Variants in KIAA1217 observed in about 807,000 individuals in gnomAD.
The protein encoded by KIAA1217 is KIAA1217, also known as sickle tail protein homolog.
Under a neutral mutation model 163.9 loss-of-function variants are expected in KIAA1217, and 88 were observed. That is an observed-to-expected ratio of 0.54 (90% CI 0.45 to 0.64). The LOEUF (loss-of-function observed/expected upper bound fraction) is 0.64, where lower values mean the gene tolerates loss of function less well. KIAA1217 is among the 30% of genes least tolerant of loss of function. KIAA1217 has a pLI of 0.00. For synonymous variants in KIAA1217, 903 were observed against 923.1 expected (o/e 0.98, Z 0.39); for missense variants, 2,372 against 2,475.0 (o/e 0.96, Z 0.88).
intron 3 of KIAA1217, among the ~76,000 whole-genome samples, chr10:24,382,839 CTTTTCTTT>C (rs1245412910): frequency 3.6e-5 from 4 of 112,282 alleles, no homozygotes; most frequent in African/African-American, 9.3e-5. Flanking sequence ...TGTGGTTTTT[CTTTTCTTT>C]TTTTTTTTTT....
intron 2 of KIAA1217, among the ~76,000 whole-genome samples, chr10:24,359,078 CTTTCTTTT>C (rs1424770289): frequency 2.0e-4 from 16 of 81,400 alleles, no homozygotes; most frequent in Non-Finnish European, 4.6e-4. Context: ...TTCTTTCTTT[CTTTCTTTT>C]TTTTTTTTTT....
chr10:24,365,897 A>G (rs903004573), intron 2 of KIAA1217, among the ~76,000 whole-genome samples: 7 of 152,136 alleles, frequency 4.6e-5, no homozygotes, highest in African/African-American at 1.7e-4. Context: ...CATATATATA[A>G]TCTATACACA....
intron 3 of KIAA1217, among the ~76,000 whole-genome samples, chr10:24,411,118 A>C (rs1462695242): frequency 6.6e-6 from 1 of 152,186 alleles, no homozygotes; most frequent in Non-Finnish European, 1.5e-5. Context: ...AATTCCAACT[A>C]TAGTGTTTAA....
rs372259042 is a variant in KIAA1217 at position 24,489,434 on chromosome 10, C to T, written c.1680-5066C>T. Among the ~76,000 whole-genome samples, 21 of 151,986 alleles carry T rather than the reference C, an allele frequency of 1.4e-4. 1 individual carries two copies. Among genetic ancestry groups the T allele is most frequent in the Admixed American group, 1.1e-3 (17 of 15,266 alleles). ...TTCTTAATAGGGGAATCGCCAGCTT[C>T]ATATGCTACTGACTTGTTTCTTAAT... On this transcript the variant is annotated intron_variant, in intron 6 of 20. Coordinates refer to ENST00000376454, the MANE Select transcript of KIAA1217 (RefSeq NM_019590.5).
chr10:24,244,969 C>T (rs1413864516), intron 2 of KIAA1217, among the ~76,000 whole-genome samples: 1 of 152,030 alleles, frequency 6.6e-6, no homozygotes, highest in Non-Finnish European at 1.5e-5. Flanking sequence ...ATTACAAGAG[C>T]CAATGTGAAA....
rs1361177911 is a variant in KIAA1217, at chr10:24,533,295, C to T, written c.3414+58C>T. On this transcript the variant is annotated intron_variant, in intron 16 of 20. Transcript: ENST00000376454. The stretch of plus-strand genomic sequence containing the variant: ...TGCCTCCCGCCTGGGTCTCTCCAGC[C>T]ATGGCACTCACAGATTTGTTAGCGA... The T allele has an allele frequency of 2.6e-6, 4 of 1,509,800 alleles. No homozygotes were observed. The African/African-American group carries it at 4.1e-5, about 16-fold the overall frequency. The allele number at this position is 1,509,800 out of a possible 1,614,324, so 93.5% of individuals were successfully genotyped here.
At chr10:24,530,647 A>T (rs1202346359) in intron 14 of KIAA1217, among the ~76,000 whole-genome samples, 3 of 152,186 alleles carry the variant, frequency 2.0e-5, no homozygotes, top group Admixed American at 2.0e-4. Flanking sequence ...CTATAATCCC[A>T]GTGCTTTTGG....
chr10:24,495,065 A>G (rs1292679601), intron 7 of KIAA1217, 82 bp from the exon 8 acceptor site: 1 of 1,165,686 alleles, frequency 8.6e-7, no homozygotes, highest in East Asian at 2.4e-5. Context: ...ATTGCTTCAA[A>G]TAGTGGATGG....
At chr10:24,385,632 C>A (rs1434953618) in intron 3 of KIAA1217, among the ~76,000 whole-genome samples, 1 of 152,178 alleles carries the variant, frequency 6.6e-6, no homozygotes. Flanking sequence ...TTCCAACAAC[C>A]TATCGTGTCT....
intron 6 of KIAA1217, among the ~76,000 whole-genome samples, chr10:24,481,000 A>T (rs1464143675): frequency 6.6e-6 from 1 of 152,188 alleles, no homozygotes; most frequent in Non-Finnish European, 1.5e-5. Flanking sequence ...TGAAGATAAG[A>T]CAGCTAAGCC....
chr10:23,715,922 T>C (rs1364452387), intron 1 of KIAA1217, among the ~76,000 whole-genome samples: 1 of 152,164 alleles, frequency 6.6e-6, no homozygotes, highest in Non-Finnish European at 1.5e-5. Flanking sequence ...AGTTTTCTTT[T>C]AAAGGGAAAC....
chr10:24,073,042 G>A (rs2061242019), intron 2 of KIAA1217, among the ~76,000 whole-genome samples: 1 of 146,532 alleles, frequency 6.8e-6, no homozygotes, highest in African/African-American at 2.5e-5. Context: ...CTGGGAAACA[G>A]AATGAGACTC....
At chr10:23,991,409 A>C (rs1411307613) in intron 1 of KIAA1217, among the ~76,000 whole-genome samples, 3 of 152,224 alleles carry the variant, frequency 2.0e-5, no homozygotes, top group Non-Finnish European at 4.4e-5. Context: ...GGGAACACGA[A>C]AGTACAAGCC....
At chr10:24,482,426 G>C (rs2064835637) in intron 6 of KIAA1217, 1 of 152,234 alleles carries the variant, frequency 6.6e-6, no homozygotes, top group African/African-American at 2.4e-5. Context: ...CTTAGGTGCA[G>C]AGTAAGCCTC....
intron 1 of KIAA1217, among the ~76,000 whole-genome samples, chr10:23,981,020 A>G (rs957130526): frequency 2.6e-5 from 4 of 152,228 alleles, no homozygotes; most frequent in Non-Finnish European, 5.9e-5. Flanking sequence ...TGCGTGGTCA[A>G]TTGTTCACCG....
chr10:24,305,946 A>G (rs1464169169), intron 2 of KIAA1217, among the ~76,000 whole-genome samples: 3 of 152,100 alleles, frequency 2.0e-5, no homozygotes, highest in African/African-American at 7.2e-5. Flanking sequence ...AGGAGAGAAA[A>G]TGGTCAACAA....
At chr10:24,520,062 C>T in intron 10 of KIAA1217, 61 bp from the exon 11 acceptor site, 6 of 1,546,996 alleles carry the variant, frequency 3.9e-6, no homozygotes, top group South Asian at 2.5e-5. Context: ...CACTCGGCCC[C>T]TCCTCTTCCT....
At chr10:24,335,584 T>TTTA (rs1554820372) in intron 2 of KIAA1217, among the ~76,000 whole-genome samples, 1 of 138,398 alleles carries the variant, frequency 7.2e-6, no homozygotes, top group African/African-American at 2.7e-5. Flanking sequence ...TTTTATCTTA[T>TTTA]TTTATTTATT....
chr10:24,122,586 C>G lies in KIAA1217; in HGVS notation c.-170-97040C>G, dbSNP rs1025006079. 2.0e-5 allele frequency among the ~76,000 whole-genome samples: 3 copies of G among 152,176 alleles called. No individual in the cohort carries two copies. In the South Asian group the frequency reaches 6.2e-4, roughly 31 times the overall value. On this transcript the variant is annotated intron_variant, in intron 2 of 18. Coordinates refer to the KIAA1217 transcript ENST00000376462. Reference sequence around the variant, plus strand: ...AAACCAAATTCAGAAATACTATCCTCTCACAATTTTAGATTTACACACATT... The same window carrying G: ...AAACCAAATTCAGAAATACTATCCTGTCACAATTTTAGATTTACACACATT...
Sources: gnomAD v4.1 joint callset for allele counts (sites outside exome capture counted in the v4.1 genomes callset) on GRCh38, gnomAD v4.1.1 for gene constraint, MANE v1.5 for transcripts, NCBI Gene and HGNC (gene_info 2026-07-23, HGNC 2026-07-21) for gene names.